WWC2: variants seen among roughly 807,000 people sequenced by gnomAD.
WWC2 encodes protein WWC2.
WWC2 carries 101 observed loss-of-function variants against 138.5 expected under a neutral mutation model. That is an observed-to-expected ratio of 0.73 (90% CI 0.62 to 0.86). The LOEUF (loss-of-function observed/expected upper bound fraction) is 0.86, where lower values mean the gene tolerates loss of function less well. Among genes scored for constraint, WWC2 ranks in the 40% least tolerant of loss-of-function variants. The pLI is 0.00. For synonymous variants in WWC2, 558 were observed against 538.4 expected (o/e 1.04, Z -0.50); for missense variants, 1,420 against 1,419.4 (o/e 1.00, Z -0.01).
At chr4:183,167,188 G>C (rs1289854889) in intron 1 of WWC2, among the ~76,000 whole-genome samples, 1 of 152,164 alleles carries the variant, frequency 6.6e-6, no homozygotes, top group African/African-American at 2.4e-5. Context: ...TAAAAGGCAT[G>C]CACTGATTCG....
At chr4:183,225,947 C>T (rs1736057968) in intron 4 of WWC2, among the ~76,000 whole-genome samples, 2 of 152,178 alleles carry the variant, frequency 1.3e-5, no homozygotes, top group South Asian at 4.1e-4. Flanking sequence ...AAATTAACCA[C>T]ATGCTAGTCA....
intron 14 of WWC2, among the ~76,000 whole-genome samples, chr4:183,267,489 T>C (rs1737542911): frequency 2.0e-5 from 3 of 152,218 alleles, no homozygotes; most frequent in Admixed American, 1.3e-4. Context: ...AAGACAAGTC[T>C]ACCAGAGACT....
intron 2 of WWC2, among the ~76,000 whole-genome samples, chr4:183,199,821 A>T (rs1449412795): frequency 6.6e-6 from 1 of 152,212 alleles, no homozygotes; most frequent in Non-Finnish European, 1.5e-5. Context: ...GGTACAGGGC[A>T]TTTTGACAGT....
chr4:183,231,700 G>A (rs1736252396), intron 4 of WWC2, among the ~76,000 whole-genome samples: 1 of 151,982 alleles, frequency 6.6e-6, no homozygotes, highest in Non-Finnish European at 1.5e-5. Flanking sequence ...TTACTGTTTT[G>A]GTTTTTTGTT....
intron 2 of WWC2, among the ~76,000 whole-genome samples, chr4:183,198,148 C>T (rs187388741): frequency 1.8e-4 from 28 of 152,160 alleles, no homozygotes; most frequent in South Asian, 1.2e-3. Flanking sequence ...GGCTGCAATG[C>T]GCTGTGATCA....
rs534832661 is a variant in WWC2, at chr4:183,316,937, G to A, written c.*1208G>A. The A allele has an allele frequency of 2.0e-5, 3 of 152,228 alleles. No individual in the cohort carries two copies. The East Asian group carries it at 5.8e-4, about 29-fold the overall frequency. 9.4% of individuals were successfully genotyped at this position (152,228 alleles called of 1,614,324 possible). ...TTTAGAGAGATAAACTGACTAATGT[G>A]TCCTCCAGTTTAGAATTTCACCTTA... On this transcript the variant is annotated 3_prime_UTR_variant, in exon 23 of 23. Transcript: ENST00000403733.
rs1381196754 is a variant in WWC2, at chr4:183,315,973, T to C, written c.*244T>C. 1 of 396,760 alleles carries C rather than the reference T, an allele frequency of 2.5e-6. No individual in the cohort carries two copies. The highest frequency in any genetic ancestry group is 4.6e-6 in the Non-Finnish European group (1 of 215,732). The allele number at this position is 396,760 out of a possible 1,614,324, so 24.6% of individuals were successfully genotyped here. A position where few individuals can be genotyped will look rare whatever the true frequency, so the allele number is the denominator to read the frequency against. On this transcript the variant is annotated 3_prime_UTR_variant, in exon 23 of 23. Coordinates refer to ENST00000403733, the MANE Select transcript of WWC2 (RefSeq NM_024949.6). Reference sequence around the variant, plus strand: ...AAGATGGGATAACCTGGTACACAAATGTTGCCCAGTATGTGCGCATTGCCA... The same window carrying C: ...AAGATGGGATAACCTGGTACACAAACGTTGCCCAGTATGTGCGCATTGCCA...
chr4:183,283,940 G>C (rs1738162133), intron 18 of WWC2, among the ~76,000 whole-genome samples: 1 of 152,294 alleles, frequency 6.6e-6, no homozygotes, highest in South Asian at 2.1e-4. Context: ...TTTGGAGGCA[G>C]CACCTCTATT....
In WWC2 at chr4:183,269,023, C is replaced by G; in HGVS notation, c.2260C>G (p.Arg754Gly). 1 of 1,613,816 alleles carries G rather than the reference C, an allele frequency of 6.2e-7. No individual in the cohort carries two copies. The highest frequency in any genetic ancestry group is 1.1e-5 in the South Asian group (1 of 91,034). The change falls in exon 15 of 23, where the codon CGC becomes GGC. Residue 754 changes from arginine to glycine, a missense_variant. Coordinates refer to ENST00000403733, the MANE Select transcript of WWC2 (RefSeq NM_024949.6). ...CTCAACTGATGTCAGCTGTCTGTTTCGCACAAAAGTTCATCCGCCCACAGA... is the reference window on the plus strand; with the variant it reads ...CTCAACTGATGTCAGCTGTCTGTTTGGCACAAAAGTTCATCCGCCCACAGA... Reference protein sequence around the residue: ...PSSTDVSCLFRTKVHPPTESI... With the variant: ...PSSTDVSCLFGTKVHPPTESI...
At chr4:183,138,742 ATTCT>A (rs1405889143) in intron 1 of WWC2, among the ~76,000 whole-genome samples, 4 of 152,178 alleles carry the variant, frequency 2.6e-5, no homozygotes, top group African/African-American at 9.6e-5. Context: ...TGGCCTGAAC[ATTCT>A]TTATTTTCTC....
intron 6 of WWC2, among the ~76,000 whole-genome samples, chr4:183,247,998 A>T (rs1421880811): frequency 6.6e-6 from 1 of 151,804 alleles, no homozygotes; most frequent in Non-Finnish European, 1.5e-5. Context: ...TAAGTAATTC[A>T]GATTAGTCTT....
intron 1 of WWC2, among the ~76,000 whole-genome samples, chr4:183,139,889 T>A (rs1352403719): frequency 1.3e-5 from 2 of 152,222 alleles, no homozygotes; most frequent in Non-Finnish European, 2.9e-5. Flanking sequence ...CTCAGCTCAC[T>A]GCAACCTCCA....
intron 4 of WWC2, among the ~76,000 whole-genome samples, chr4:183,216,067 C>T (rs1245208208): frequency 6.6e-6 from 1 of 152,184 alleles, no homozygotes; most frequent in African/African-American, 2.4e-5. Flanking sequence ...CAAACCAACA[C>T]TTCCTTATAT....
intron 4 of WWC2, among the ~76,000 whole-genome samples, chr4:183,231,021 A>C (rs1485807940): frequency 6.6e-6 from 1 of 152,184 alleles, no homozygotes; most frequent in African/African-American, 2.4e-5. Flanking sequence ...AGCCTAGCAC[A>C]ACTTTGACAT....
chr4:183,209,729 T>G (rs998769018), intron 4 of WWC2, among the ~76,000 whole-genome samples: 10 of 152,214 alleles, frequency 6.6e-5, no homozygotes, highest in Admixed American at 6.5e-5. Flanking sequence ...TCATAATGCC[T>G]CATGGAGAGG....
At chr4:183,258,689 A>G (rs578074898) in intron 9 of WWC2, among the ~76,000 whole-genome samples, 1 of 152,266 alleles carries the variant, frequency 6.6e-6, no homozygotes, top group South Asian at 2.1e-4. Flanking sequence ...AATTATAGTC[A>G]CCATTTTACA....
rs1037542784 is a variant in WWC2 at position 183,316,169 on chromosome 4, G to A, written c.*440G>A. ...CCACGTGGTATCTGTGCGCTGGCGA[G>A]GAGAGGAGCGCTTTCCATTTGGAGG... On this transcript the variant is annotated 3_prime_UTR_variant, in exon 23 of 23. Transcript: ENST00000403733. The A allele has an allele frequency of 1.2e-5, 2 of 162,900 alleles. No homozygotes were observed. Among genetic ancestry groups the A allele is most frequent in the African/African-American group, 4.8e-5 (2 of 41,546 alleles). 10.1% of individuals were successfully genotyped at this position (162,900 alleles called of 1,614,324 possible).
At chr4:183,281,581 T>TGTTAA (rs143299315) in intron 17 of WWC2, among the ~76,000 whole-genome samples, 78 of 152,340 alleles carry the variant, frequency 5.1e-4, no homozygotes, top group African/African-American at 1.8e-3. Context: ...GTTGAACTAC[T>TGTTAA]GTTAATACAT....
chr4:183,127,483 A>G (rs79155893), intron 1 of WWC2, among the ~76,000 whole-genome samples: 14,897 of 152,244 alleles, frequency 0.098, 926 homozygotes, highest in Middle Eastern at 0.18. Flanking sequence ...TCAAGGATGA[A>G]CTAGGGGCTA....
Sources: gnomAD v4.1 joint callset for allele counts (sites outside exome capture counted in the v4.1 genomes callset) on GRCh38, gnomAD v4.1.1 for gene constraint, MANE v1.5 for transcripts, NCBI Gene and HGNC (gene_info 2026-07-23, HGNC 2026-07-21) for gene names.